TMPRSS15: variants seen among roughly 807,000 people sequenced by gnomAD.
TMPRSS15 encodes the protein enteropeptidase.
A neutral mutation model predicts 125.3 loss-of-function variants in TMPRSS15; 128 were observed. That is an observed-to-expected ratio of 1.02 (90% CI 0.89 to 1.18). TMPRSS15 has a LOEUF of 1.18. Among genes scored for constraint, TMPRSS15 ranks in the 50% most tolerant of loss-of-function variants. TMPRSS15 has a pLI of 0.00. For synonymous variants in TMPRSS15, 446 were observed against 423.2 expected (o/e 1.05, Z -0.66); for missense variants, 1,283 against 1,212.7 (o/e 1.06, Z -0.86).
At chr21:18,272,495 G>A (rs537539140) in intron 24 of TMPRSS15, among the ~76,000 whole-genome samples, 9 of 152,170 alleles carry the variant, frequency 5.9e-5, no homozygotes, top group African/African-American at 1.9e-4. Context: ...AGGCCGAGAC[G>A]GGTGGATCAC....
chr21:18,450,796 T>C (rs2123254736), intron 1 of TMPRSS15, among the ~76,000 whole-genome samples: 3 of 152,282 alleles, frequency 2.0e-5, no homozygotes, highest in Middle Eastern at 6.8e-3. Context: ...CCTTTTCAAA[T>C]AAAATACTGG....
chr21:18,291,246 C>T (rs7277215), intron 21 of TMPRSS15, among the ~76,000 whole-genome samples: 68,088 of 152,088 alleles, frequency 0.45, 17,392 homozygotes, highest in African/African-American at 0.7. Context: ...ATTTGTTGGA[C>T]ATACAGGATT....
At chr21:18,455,323 G>A (rs751182218) in intron 1 of TMPRSS15, among the ~76,000 whole-genome samples, 3 of 152,132 alleles carry the variant, frequency 2.0e-5, no homozygotes, top group Non-Finnish European at 4.4e-5. Flanking sequence ...AGGGGCATAG[G>A]AGATAGACAA....
chr21:18,393,615 A>G (rs954318961), intron 3 of TMPRSS15, among the ~76,000 whole-genome samples: 3 of 152,186 alleles, frequency 2.0e-5, no homozygotes, highest in Non-Finnish European at 4.4e-5. Flanking sequence ...CAAACTGTAT[A>G]TACAACCTGA....
At chr21:18,333,223 G>A (rs1021369958) in intron 13 of TMPRSS15, among the ~76,000 whole-genome samples, 1 of 151,918 alleles carries the variant, frequency 6.6e-6, no homozygotes, top group African/African-American at 2.4e-5. Context: ...TAACAAACCT[G>A]CACTTGTTCC....
chr21:18,348,959 A>G (rs1329978721), intron 10 of TMPRSS15, among the ~76,000 whole-genome samples: 1 of 152,148 alleles, frequency 6.6e-6, no homozygotes, highest in Non-Finnish European at 1.5e-5. Flanking sequence ...ATTGTCCTCA[A>G]CCTCACTTTC....
upstream of TMPRSS15, among the ~76,000 whole-genome samples, chr21:18,407,411 CTT>C (rs530615673): frequency 3.6e-3 from 534 of 149,194 alleles, 1 homozygote; most frequent in Non-Finnish European, 5.5e-3. Context: ...TTGAAAGAAA[CTT>C]TATGTGCTAA....
intron 21 of TMPRSS15, among the ~76,000 whole-genome samples, chr21:18,285,012 AG>A (rs750921432): frequency 1.5e-3 from 204 of 139,952 alleles, no homozygotes; most frequent in Non-Finnish European, 2.4e-3. Context: ...AAAAAAAAAA[AG>A]AGAAAAAAAA....
At chr21:18,475,658 G>A (rs1978867340) in intron 1 of TMPRSS15, among the ~76,000 whole-genome samples, 1 of 152,144 alleles carries the variant, frequency 6.6e-6, no homozygotes, top group Non-Finnish European at 1.5e-5. Context: ...AGAAATAAAA[G>A]GAGATTTCAA....
At chr21:18,282,227 A>C (rs1449309017) in intron 21 of TMPRSS15, among the ~76,000 whole-genome samples, 5 of 152,094 alleles carry the variant, frequency 3.3e-5, no homozygotes, top group African/African-American at 1.2e-4. Flanking sequence ...AAAGGATAAC[A>C]CTTGTGTTGT....
chr21:18,363,354 A>G (rs892946897), intron 7 of TMPRSS15, among the ~76,000 whole-genome samples: 3 of 152,144 alleles, frequency 2.0e-5, no homozygotes, highest in African/African-American at 7.2e-5. Context: ...CAATAGGGCC[A>G]TAACATTTTT....
chr21:18,343,928 G>T (rs540896622), intron 11 of TMPRSS15, 27 bp downstream of exon 11: 9 of 1,585,124 alleles, frequency 5.7e-6, no homozygotes, highest in Middle Eastern at 3.3e-4. Context: ...AAAAAAGACA[G>T]CGTTTAAACA....
chr21:18,455,355 T>C (rs1297910228), intron 1 of TMPRSS15, among the ~76,000 whole-genome samples: 1 of 152,198 alleles, frequency 6.6e-6, no homozygotes, highest in Non-Finnish European at 1.5e-5. Context: ...CTGATAAAGC[T>C]CTGTTATTGT....
intron 22 of TMPRSS15, 75 bp downstream of exon 22, chr21:18,280,965 A>G: frequency 6.9e-7 from 1 of 1,455,748 alleles, no homozygotes; most frequent in Non-Finnish European, 9.6e-7. Flanking sequence ...ATGCATTGAC[A>G]TTGATAATAT....
At chr21:18,360,447 C>G (rs1354759568) in intron 7 of TMPRSS15, among the ~76,000 whole-genome samples, 1 of 152,060 alleles carries the variant, frequency 6.6e-6, no homozygotes, top group African/African-American at 2.4e-5. Flanking sequence ...AATGCTGGAT[C>G]AGGTGGGAAT....
intron 16 of TMPRSS15, among the ~76,000 whole-genome samples, chr21:18,318,944 G>A (rs1235314870): frequency 1.3e-5 from 2 of 152,136 alleles, no homozygotes; most frequent in African/African-American, 4.8e-5. Context: ...ATTAATGTAT[G>A]TTAAAAGATT....
At chr21:18,418,428 C>A (rs962219881) in intron 1 of TMPRSS15, among the ~76,000 whole-genome samples, 2 of 152,154 alleles carry the variant, frequency 1.3e-5, no homozygotes, top group Admixed American at 1.3e-4. Flanking sequence ...TACGTAGAAG[C>A]GACAGTGGCC....
At position 18,422,160 on chromosome 21, in the gene TMPRSS15, A is replaced by G. The variant is rs576557960; in HGVS notation, c.11-23831T>C. Among the ~76,000 whole-genome samples, 32 of 151,900 alleles carry G rather than the reference A, an allele frequency of 2.1e-4. 1 individual carries two copies. The South Asian group carries it at 5.2e-3, about 25-fold the overall frequency. The stretch of plus-strand genomic sequence containing the variant: ...CATCATGCTTAAGATAATTTTTTGT[A>G]TTGTTAATAGAGACTGGGTTTCACC... On this transcript the variant is annotated intron_variant, in intron 1 of 7. Transcript: ENST00000422787.
At chr21:18,303,928 CAA>C (rs2075002540) in intron 18 of TMPRSS15, among the ~76,000 whole-genome samples, 2 of 152,094 alleles carry the variant, frequency 1.3e-5, no homozygotes, top group Admixed American at 1.3e-4. Context: ...CGACATTTCA[CAA>C]AAGTCTTGAT....
Sources: gnomAD v4.1 joint callset for allele counts (sites outside exome capture counted in the v4.1 genomes callset) on GRCh38, gnomAD v4.1.1 for gene constraint, MANE v1.5 for transcripts, NCBI Gene and HGNC (gene_info 2026-07-23, HGNC 2026-07-21) for gene names.